The following STK4 variants were observed in gnomAD, a reference collection of about 807,000 sequenced individuals.
The protein encoded by STK4 is serine/threonine-protein kinase 4.
In STK4, 30 loss-of-function variants were observed where a neutral mutation model predicts 64.9. That is an observed-to-expected ratio of 0.46 (90% CI 0.35 to 0.63). The LOEUF (loss-of-function observed/expected upper bound fraction) is 0.63. STK4 is among the 20% of genes least tolerant of loss of function. The pLI, the probability that STK4 is intolerant of heterozygous loss-of-function variation, is 0.01. For synonymous variants in STK4, 177 were observed against 199.0 expected (o/e 0.89, Z 0.93); for missense variants, 466 against 598.5 (o/e 0.78, Z 2.31).
chr20:45,019,482 G>A (rs528104749), intron 9 of STK4, among the ~76,000 whole-genome samples: 4 of 152,112 alleles, frequency 2.6e-5, no homozygotes, highest in South Asian at 4.1e-4. Context: ...CTGCTTTTAC[G>A]TAGCATTTTT....
chr20:45,063,606 A>G (rs1979288937), intron 10 of STK4, among the ~76,000 whole-genome samples: 1 of 151,856 alleles, frequency 6.6e-6, no homozygotes, highest in Admixed American at 6.6e-5. Flanking sequence ...ATTTGGTTTC[A>G]TTTGTTGATT....
chr20:44,976,300 A>G (rs999619043), intron 2 of STK4, among the ~76,000 whole-genome samples: 8 of 152,376 alleles, frequency 5.3e-5, no homozygotes, highest in Non-Finnish European at 7.3e-5. Context: ...AGGAGGTCTA[A>G]TACAGTTTTG....
chr20:45,015,442 G>A (rs1310872592), intron 9 of STK4, among the ~76,000 whole-genome samples: 3 of 152,214 alleles, frequency 2.0e-5, no homozygotes, highest in African/African-American at 7.2e-5. Flanking sequence ...TACCACGGTA[G>A]CCTTACTGTC....
chr20:45,049,465 C>T (rs1460327196), intron 10 of STK4, among the ~76,000 whole-genome samples: 2 of 152,144 alleles, frequency 1.3e-5, no homozygotes, highest in African/African-American at 4.8e-5. Context: ...TGGAGGTTTT[C>T]CACTTTTGGA....
intron 10 of STK4, among the ~76,000 whole-genome samples, chr20:45,067,333 A>C (rs1979664680): frequency 1.3e-5 from 2 of 152,212 alleles, no homozygotes; most frequent in African/African-American, 4.8e-5. Context: ...TGTGTTTGAG[A>C]AATCCTGTTT....
chr20:45,020,439 C>CGTGTGTGTGTGTGTGTGT (rs60999826), intron 9 of STK4, among the ~76,000 whole-genome samples: 1 of 145,202 alleles, frequency 6.9e-6, no homozygotes, highest in Admixed American at 6.9e-5. Flanking sequence ...TATGTTTATG[C>CGTGTGTGTGTGTGTGTGT]GTGTGTGTGT....
At chr20:45,036,814 G>A (rs1374733635) in intron 10 of STK4, among the ~76,000 whole-genome samples, 1 of 152,150 alleles carries the variant, frequency 6.6e-6, no homozygotes, top group African/African-American at 2.4e-5. Context: ...AAAGCTGAAT[G>A]TATAGGGTTC....
At chr20:45,032,920 C>A (rs1398733189) in intron 10 of STK4, among the ~76,000 whole-genome samples, 1 of 152,186 alleles carries the variant, frequency 6.6e-6, no homozygotes, top group African/African-American at 2.4e-5. Context: ...TTCTCTGCAA[C>A]CTCGCCAGCA....
intron 10 of STK4, among the ~76,000 whole-genome samples, chr20:45,030,942 A>T (rs533521195): frequency 5.4e-4 from 82 of 152,206 alleles, no homozygotes; most frequent in African/African-American, 2.0e-3. Context: ...CATACCTGTA[A>T]TCCCAGCACT....
chr20:45,020,439 CGT>C (rs60999826), intron 9 of STK4, among the ~76,000 whole-genome samples: 25,495 of 144,858 alleles, frequency 0.18, 2,448 homozygotes, highest in East Asian at 0.33. Flanking sequence ...TATGTTTATG[CGT>C]GTGTGTGTGT....
At chr20:45,000,902 A>AT (rs2067826220) in intron 8 of STK4, among the ~76,000 whole-genome samples, 1 of 152,202 alleles carries the variant, frequency 6.6e-6, no homozygotes. Flanking sequence ...AGATGTTCAC[A>AT]TGAGTTTCTT....
chr20:44,984,348 C>T (rs775168989), intron 4 of STK4, among the ~76,000 whole-genome samples: 3 of 151,702 alleles, frequency 2.0e-5, no homozygotes, highest in Non-Finnish European at 2.9e-5. Context: ...GTACAGGCGC[C>T]CGCCACCACG....
At chr20:45,062,121 C>G (rs1979083562) in intron 10 of STK4, among the ~76,000 whole-genome samples, 1 of 152,098 alleles carries the variant, frequency 6.6e-6, no homozygotes, top group South Asian at 2.1e-4. Flanking sequence ...CTCAAATGAT[C>G]CTCCCACCTT....
At chr20:44,976,090 A>G (rs1016097064) in intron 2 of STK4, among the ~76,000 whole-genome samples, 1 of 152,272 alleles carries the variant, frequency 6.6e-6, no homozygotes, top group Non-Finnish European at 1.5e-5. Context: ...GATTATTAAC[A>G]TATTTGCCCA....
chr20:45,063,788 G>C (rs2145468622), intron 10 of STK4, among the ~76,000 whole-genome samples: 1 of 152,042 alleles, frequency 6.6e-6, no homozygotes, highest in East Asian at 1.9e-4. Context: ...AAGGAAGGGG[G>C]GGGTCCAGTG....
At chr20:44,997,142 T>TTTTGTTTG (rs755804396) in intron 6 of STK4, 27 bp from the exon 7 acceptor site, 1 of 1,611,130 alleles carries the variant, frequency 6.2e-7, no homozygotes, top group Non-Finnish European at 8.5e-7. Flanking sequence ...TACCAGATCT[T>TTTTGTTTG]TTTGTTTGTT....
At chr20:45,018,209 G>T (rs1385547699) in intron 9 of STK4, among the ~76,000 whole-genome samples, 1 of 150,552 alleles carries the variant, frequency 6.6e-6, no homozygotes, top group Admixed American at 6.6e-5. Flanking sequence ...CAGAGTTGTT[G>T]TTGTTGTTGT....
At chr20:45,017,733 C>T (rs1294217367) in intron 9 of STK4, among the ~76,000 whole-genome samples, 1 of 152,168 alleles carries the variant, frequency 6.6e-6, no homozygotes, top group East Asian at 1.9e-4. Context: ...CACCTGTGAA[C>T]ATTTTTTATC....
chr20:45,035,561 T>C (rs2068514772), intron 10 of STK4, among the ~76,000 whole-genome samples: 1 of 152,200 alleles, frequency 6.6e-6, no homozygotes, highest in African/African-American at 2.4e-5. Flanking sequence ...AAAGAGTTGA[T>C]AGTAACTGGC....
Sources: allele counts gnomAD v4.1 joint callset (sites outside exome capture counted in the v4.1 genomes callset), GRCh38; gene constraint gnomAD v4.1.1; transcripts MANE v1.5; gene names NCBI Gene and HGNC (gene_info 2026-07-23, HGNC 2026-07-21).